The following JADE2 variants were observed in gnomAD, a reference collection of about 807,000 sequenced individuals.
The protein encoded by JADE2 is jade family PHD finger 2, also known as E3 ubiquitin-protein ligase Jade-2.
Under a neutral mutation model 85.7 loss-of-function variants are expected in JADE2, and 13 were observed. The ratio of observed to expected loss-of-function variants is 0.15; its 90% CI spans 0.10 to 0.24. JADE2 has a LOEUF of 0.24. JADE2 is among the 10% of genes least tolerant of loss of function. The probability of loss-of-function intolerance (pLI) is 1.00; values close to 1 mark genes in which losing one functional copy is unlikely to be tolerated. For synonymous variants in JADE2, 440 were observed against 456.1 expected (o/e 0.96, Z 0.45); for missense variants, 846 against 1,115.9 (o/e 0.76, Z 3.45).
At position 134,581,269 on chromosome 5, in the gene JADE2, T is replaced by G. The variant is rs576810056; in HGVS notation, c.*1952T>G. ...TAGAGTTTAGTCTGCCTGCCCGCCTTGGTAGTAGTGACCAGTCAGTGTCAG... is the reference window on the plus strand; with the variant it reads ...TAGAGTTTAGTCTGCCTGCCCGCCTGGGTAGTAGTGACCAGTCAGTGTCAG... On this transcript the variant is annotated 3_prime_UTR_variant, in exon 12 of 12. Transcript: ENST00000681547. The G allele has an allele frequency of 4.6e-5, 7 of 152,764 alleles. No homozygotes were observed. The highest frequency in any genetic ancestry group is 1.7e-4 in the African/African-American group (7 of 41,568). 9.5% of individuals were successfully genotyped at this position (152,764 alleles called of 1,614,324 possible).
chr5:134,580,876 T>C lies in JADE2; in HGVS notation c.*1559T>C, dbSNP rs368327913. 7.2e-5 allele frequency: 11 copies of C among 152,718 alleles called. No individual in the cohort carries two copies. The East Asian group carries it at 1.9e-3, about 27-fold the overall frequency. The allele number at this position is 152,718 out of a possible 1,614,324, so 9.5% of individuals were successfully genotyped here. A position where few individuals can be genotyped will look rare whatever the true frequency, so the allele number is the denominator to read the frequency against. The stretch of plus-strand genomic sequence containing the variant: ...GCTGAAGTGTACCTGGGTGTTAGAT[T>C]TCAGATCCTGGGCTGAGCCCACTGT... On this transcript the variant is annotated 3_prime_UTR_variant, in exon 12 of 12. Transcript: ENST00000681547.
chr5:134,566,037 C>A lies in JADE2; in HGVS notation c.970-79C>A. On this transcript the variant is annotated intron_variant, in intron 8 of 11. Coordinates refer to ENST00000681547, the MANE Select transcript of JADE2 (RefSeq NM_001388185.1). This position sits in a 1 kb window ranked among gnomAD's most constrained non-coding sequence, Gnocchi z 6.7. ...CCAGCATTGCGCATTCTCAGTAGAG[C>A]CCTGGGGGAAGCCCCTCTGTCTTCT... is the stretch of plus-strand genomic sequence containing the variant. 8.0e-7 allele frequency: 1 copy of A among 1,248,964 alleles called. No homozygotes were observed. The highest frequency in any genetic ancestry group is 1.1e-6 in the Non-Finnish European group (1 of 872,842). 77.4% of individuals were successfully genotyped at this position (1,248,964 alleles called of 1,614,324 possible).
At chr5:134,573,892 T>A (rs1423664036) in intron 10 of JADE2, 130 bp downstream of exon 10, 1 of 757,770 alleles carries the variant, frequency 1.3e-6, no homozygotes, top group African/African-American at 1.7e-5. Flanking sequence ...TGGCCCCCAC[T>A]CCTACCCTTC....
rs1764542310 is a variant in JADE2 at position 134,578,775 on chromosome 5, C to A, written c.1963C>A (p.Pro655Thr). The change falls in exon 12 of 12, where the codon CCG becomes ACG. Residue 655 changes from proline to threonine, a missense_variant. Around this residue, in one of 9 missense-constraint regions of JADE2, gnomAD observed 300 missense variants for 300.7 expected, o/e 1.00. Transcript: ENST00000681547. The surrounding 1 kb of genome is among the most constrained non-coding windows in gnomAD (Gnocchi z 4.4). ...CAAGAAGAAACCACCACCACCACCA[C>A]CGCAGGACGGGCCTGGTTCACGGAC... The part of the protein sequence containing the change: ...PAKKKPPPPP[P>T]QDGPGSRTTP... 6.2e-7 allele frequency: 1 copy of A among 1,613,796 alleles called. No individual in the cohort carries two copies. The highest frequency in any genetic ancestry group is 8.5e-7 in the Non-Finnish European group (1 of 1,180,000).
rs1466899275 is a variant in JADE2 at position 134,578,101 on chromosome 5, C to G, written c.1682-393C>G. 6.6e-6 allele frequency among the ~76,000 whole-genome samples: 1 copy of G among 152,228 alleles called. No homozygotes were observed. The highest frequency in any genetic ancestry group is 2.4e-5 in the African/African-American group (1 of 41,464). On this transcript the variant is annotated intron_variant, in intron 11 of 11. Coordinates refer to ENST00000681547, the MANE Select transcript of JADE2 (RefSeq NM_001388185.1). The surrounding 1 kb of genome is among the most constrained non-coding windows in gnomAD (Gnocchi z 4.4). ...GTCCTTGTTCTTGGTTAATGCTCTG[C>G]TGCTGCCACCTTGAATTTTCTTTCC...
intron 1 of JADE2, among the ~76,000 whole-genome samples, chr5:134,527,501 G>C (rs915220708): frequency 1.3e-5 from 2 of 151,910 alleles, no homozygotes; most frequent in Non-Finnish European, 2.9e-5. Context: ...ACCCGCCCCT[G>C]GGGCTCGGCT....
At chr5:134,524,688 C>G (rs1184657830), upstream of JADE2, among the ~76,000 whole-genome samples, 1 of 152,196 alleles carries the variant, frequency 6.6e-6, no homozygotes, top group African/African-American at 2.4e-5. Context: ...CAGCGCTAGG[C>G]GCCAGGAGGC....
At chr5:134,564,214 A>G (rs1309497285) in intron 7 of JADE2, 1 of 302,830 alleles carries the variant, frequency 3.3e-6, no homozygotes, top group Non-Finnish European at 6.3e-6. Flanking sequence ...AGTCAACTAC[A>G]CACACTGACG....
chr5:134,530,831 G>A (rs1561721963), intron 1 of JADE2, among the ~76,000 whole-genome samples: 1 of 152,048 alleles, frequency 6.6e-6, no homozygotes, highest in Non-Finnish European at 1.5e-5. Flanking sequence ...CGAAATCTTG[G>A]GCCAGGGTGT....
rs747353318 is a variant in JADE2, at chr5:134,579,246, G to A, written c.2434G>A (p.Gly812Ser). The part of the protein sequence containing the change: ...MSDSDVEAED[G>S]GVQRGPREAG... ...CGACTCAGATGTAGAGGCCGAGGAC[G>A]GTGGGGTGCAGCGGGGTCCCCGGGA... is the stretch of plus-strand genomic sequence containing the variant. Residue 812 changes from glycine (G) to serine (S), a missense_variant, in exon 12 of 12, where the codon GGT (glycine) becomes AGT (serine). Around this residue, in one of 9 missense-constraint regions of JADE2, gnomAD observed 300 missense variants for 300.7 expected, o/e 1.00. Transcript: ENST00000681547. The surrounding 1 kb of genome is among the most constrained non-coding windows in gnomAD (Gnocchi z 4.6). The A allele has an allele frequency of 5.6e-6, 9 of 1,613,892 alleles. No homozygotes were observed. Among genetic ancestry groups the A allele is most frequent in the African/African-American group, 5.3e-5 (4 of 74,944 alleles).
At chr5:134,556,268 G>A (rs927785439) in intron 4 of JADE2, among the ~76,000 whole-genome samples, 14 of 152,194 alleles carry the variant, frequency 9.2e-5, no homozygotes, top group Non-Finnish European at 1.9e-4. Flanking sequence ...GGCAACCAGC[G>A]GGGGGTGGGA....
chr5:134,582,288 G>A lies in JADE2; in HGVS notation c.*2971G>A, dbSNP rs1764748192. The A allele has an allele frequency of 6.6e-6, 1 of 152,254 alleles. No homozygotes were observed. The highest frequency in any genetic ancestry group is 1.5e-5 in the Non-Finnish European group (1 of 68,044). The allele number at this position is 152,254 out of a possible 1,614,324, so 9.4% of individuals were successfully genotyped here. ...AGCCTGACTTAGTGACAGTGTGTGAGCATTTGCAATGTAAGGGCCTCAGCT... is the reference window on the plus strand; with the variant it reads ...AGCCTGACTTAGTGACAGTGTGTGAACATTTGCAATGTAAGGGCCTCAGCT... On this transcript the variant is annotated 3_prime_UTR_variant, in exon 12 of 12. Transcript: ENST00000681547.
chr5:134,536,069 C>T (rs1177356935), intron 2 of JADE2, among the ~76,000 whole-genome samples, 154 bp downstream of exon 2: 1 of 152,132 alleles, frequency 6.6e-6, no homozygotes, highest in Non-Finnish European at 1.5e-5. Context: ...CCACTCCTGC[C>T]CTTCCACTTC....
chr5:134,548,425 G>A (rs1305166088), intron 3 of JADE2, among the ~76,000 whole-genome samples: 1 of 152,152 alleles, frequency 6.6e-6, no homozygotes. Context: ...CTCACAGAGT[G>A]GGTGGAGGGG....
At chr5:134,525,371 A>G (rs888313160), upstream of JADE2, among the ~76,000 whole-genome samples, 1 of 151,884 alleles carries the variant, frequency 6.6e-6, no homozygotes, top group South Asian at 2.1e-4. Flanking sequence ...GGGGCGCCCC[A>G]GAGTCCATGG....
chr5:134,563,084 G>A (rs764872219), intron 7 of JADE2, among the ~76,000 whole-genome samples: 12 of 151,960 alleles, frequency 7.9e-5, no homozygotes, highest in African/African-American at 1.7e-4. Context: ...GTGGGAGGCC[G>A]AGGTGGGTGA....
intron 9 of JADE2, among the ~76,000 whole-genome samples, chr5:134,568,462 G>T (rs1763785057): frequency 6.6e-6 from 1 of 152,250 alleles, no homozygotes; most frequent in South Asian, 2.1e-4. Context: ...AGGTTGGCGG[G>T]CTCTGGGGTT....
intron 3 of JADE2, chr5:134,544,440 T>C (rs1762169018): frequency 1.2e-5 from 2 of 166,970 alleles, no homozygotes; most frequent in Admixed American, 6.5e-5. Context: ...GCCCTTATCA[T>C]AGAGTTCTGC....
intron 3 of JADE2, among the ~76,000 whole-genome samples, chr5:134,540,641 G>A (rs187715193): frequency 5.3e-5 from 8 of 152,208 alleles, no homozygotes; most frequent in Non-Finnish European, 7.4e-5. Context: ...AAGAATTGTC[G>A]TGCCCATTTC....
Sources: gnomAD v4.1 joint callset for allele counts (sites outside exome capture counted in the v4.1 genomes callset) on GRCh38, gnomAD v4.1.1 for gene constraint, gnomAD v4.1.1 regional missense constraint, Gnocchi (gnomAD v3.1) non-coding constraint, MANE v1.5 for transcripts, NCBI Gene and HGNC (gene_info 2026-07-23, HGNC 2026-07-21) for gene names.